NKAIN3: variants seen among roughly 807,000 people sequenced by gnomAD.
NKAIN3 encodes the protein sodium/potassium-transporting ATPase subunit beta-1-interacting protein 3.
Under a neutral mutation model 30.2 loss-of-function variants are expected in NKAIN3, and 25 were observed. That is an observed-to-expected ratio of 0.83 (90% CI 0.60 to 1.16). NKAIN3 has a LOEUF of 1.16. Among genes scored for constraint, NKAIN3 ranks in the 50% most tolerant of loss-of-function variants. NKAIN3 has a pLI of 0.00. For synonymous variants in NKAIN3, 91 were observed against 89.6 expected, an observed-to-expected ratio of 1.02 and a Z score of -0.09; for missense variants, 225 against 254.1, an observed-to-expected ratio of 0.89 and a Z score of 0.78.
chr8:62,780,625 G>T (rs1817327510), intron 4 of NKAIN3, among the ~76,000 whole-genome samples: 1 of 152,026 alleles, frequency 6.6e-6, no homozygotes, highest in African/African-American at 2.4e-5. Flanking sequence ...TGAAGAAATG[G>T]TTCAAAATAT....
intron 4 of NKAIN3, among the ~76,000 whole-genome samples, chr8:62,816,226 A>G (rs1818674917): frequency 6.6e-6 from 1 of 152,106 alleles, no homozygotes; most frequent in South Asian, 2.1e-4. Context: ...TTGATTGGGT[A>G]TGGTGCTTTG....
intron 1 of NKAIN3, among the ~76,000 whole-genome samples, chr8:62,387,157 A>G (rs1218603091): frequency 6.6e-6 from 1 of 152,170 alleles, no homozygotes; most frequent in Admixed American, 6.5e-5. Context: ...CCTGTAGTAA[A>G]TAAGGGAGTT....
At chr8:62,447,717 T>G (rs775921991) in intron 1 of NKAIN3, among the ~76,000 whole-genome samples, 3 of 152,038 alleles carry the variant, frequency 2.0e-5, no homozygotes, top group Non-Finnish European at 4.4e-5. Context: ...ATTCAGACAT[T>G]CTGGCATCCC....
chr8:62,933,391 C>T (rs7845898), intron 5 of NKAIN3, among the ~76,000 whole-genome samples: 18,689 of 151,728 alleles, frequency 0.12, 1,426 homozygotes, highest in East Asian at 0.32. Context: ...ATTTAAAGAG[C>T]AAAGTAAAAC....
chr8:62,953,466 G>T (rs997894165), intron 5 of NKAIN3, among the ~76,000 whole-genome samples: 1 of 152,164 alleles, frequency 6.6e-6, no homozygotes, highest in Non-Finnish European at 1.5e-5. Flanking sequence ...GGGACAGAAG[G>T]CATTGGAGAT....
intron 5 of NKAIN3, among the ~76,000 whole-genome samples, chr8:62,930,493 A>T (rs1240311391): frequency 6.6e-6 from 1 of 151,944 alleles, no homozygotes; most frequent in African/African-American, 2.4e-5. Context: ...ACCACAGGTG[A>T]TCCACCCGCC....
intron 1 of NKAIN3, among the ~76,000 whole-genome samples, chr8:62,529,417 G>A (rs1808418471): frequency 6.6e-6 from 1 of 152,062 alleles, no homozygotes; most frequent in African/African-American, 2.4e-5. Context: ...AAAAAATTCA[G>A]ACATTGAAAT....
chr8:62,283,687 A>G (rs965561213), intron 1 of NKAIN3, among the ~76,000 whole-genome samples: 4 of 152,156 alleles, frequency 2.6e-5, no homozygotes, highest in African/African-American at 9.6e-5. Flanking sequence ...AATTTAAAAA[A>G]TAATATAATT....
chr8:62,444,294 A>G (rs758108709), intron 1 of NKAIN3, among the ~76,000 whole-genome samples: 2 of 152,162 alleles, frequency 1.3e-5, no homozygotes, highest in Non-Finnish European at 2.9e-5. Flanking sequence ...ACAATTGATT[A>G]ATATTAGCTA....
intron 1 of NKAIN3, among the ~76,000 whole-genome samples, chr8:62,284,730 G>A (rs1272202310): frequency 6.6e-6 from 1 of 152,050 alleles, no homozygotes; most frequent in Non-Finnish European, 1.5e-5. Context: ...AGCACTCTGG[G>A]TAGAAAAACA....
chr8:62,750,808 G>T (rs911682684), intron 4 of NKAIN3, among the ~76,000 whole-genome samples: 6 of 152,240 alleles, frequency 3.9e-5, no homozygotes, highest in Middle Eastern at 6.8e-3. Flanking sequence ...ATCCATGCTG[G>T]AGTGGAGAAG....
At chr8:62,625,038 A>G (rs527370007) in intron 3 of NKAIN3, among the ~76,000 whole-genome samples, 4 of 152,048 alleles carry the variant, frequency 2.6e-5, no homozygotes, top group African/African-American at 7.2e-5. Flanking sequence ...TAGCATATTC[A>G]TCATTTAAAA....
At chr8:62,847,606 A>T (rs1165480311) in intron 4 of NKAIN3, among the ~76,000 whole-genome samples, 1 of 152,216 alleles carries the variant, frequency 6.6e-6, no homozygotes, top group East Asian at 1.9e-4. Context: ...GTTAGAGTGC[A>T]AAAAACTGTC....
chr8:62,919,351 T>G (rs548616481), intron 5 of NKAIN3, among the ~76,000 whole-genome samples: 3 of 141,816 alleles, frequency 2.1e-5, no homozygotes, highest in East Asian at 4.6e-4. Flanking sequence ...TTCACACCAT[T>G]CTCCTGCCTC....
At chr8:62,691,256 A>G (rs1028134889) in intron 3 of NKAIN3, among the ~76,000 whole-genome samples, 76 of 152,134 alleles carry the variant, frequency 5.0e-4, no homozygotes, top group Admixed American at 2.0e-4. Flanking sequence ...AGAGAGGTGC[A>G]CTGAAAGAAA....
At chr8:62,418,085 G>A (rs1011678580) in intron 1 of NKAIN3, among the ~76,000 whole-genome samples, 1 of 152,144 alleles carries the variant, frequency 6.6e-6, no homozygotes, top group Non-Finnish European at 1.5e-5. Flanking sequence ...AGCCCTGATT[G>A]AGGTGCATTA....
chr8:62,986,891 G>A (rs547306331), downstream of NKAIN3, among the ~76,000 whole-genome samples: 1 of 152,226 alleles, frequency 6.6e-6, no homozygotes, highest in African/African-American at 2.4e-5. Context: ...TCCATTATCT[G>A]ACCCAACATA....
At chr8:62,454,050 T>A (rs549486312) in intron 1 of NKAIN3, among the ~76,000 whole-genome samples, 2 of 152,106 alleles carry the variant, frequency 1.3e-5, no homozygotes, top group East Asian at 3.9e-4. Flanking sequence ...GATTATCTAA[T>A]CTCTACCTTT....
intron 4 of NKAIN3, among the ~76,000 whole-genome samples, chr8:62,829,735 A>AGATAGAT (rs1241609166): frequency 9.0e-6 from 1 of 110,770 alleles, no homozygotes; most frequent in African/African-American, 3.3e-5. Context: ...TTAACTAGAT[A>AGATAGAT]GATAGATGAT....
Sources: gnomAD v4.1 joint callset for allele counts (sites outside exome capture counted in the v4.1 genomes callset) on GRCh38, gnomAD v4.1.1 for gene constraint, MANE v1.5 for transcripts, NCBI Gene and HGNC (gene_info 2026-07-23, HGNC 2026-07-21) for gene names.